The following TMEM272 variants were observed in gnomAD, a reference collection of about 807,000 sequenced individuals.
TMEM272 encodes transmembrane protein 272.
Under a neutral mutation model 3.7 loss-of-function variants are expected in TMEM272, and 8 were observed. That is an observed-to-expected ratio of 2.17 (90% CI 1.27 to 3.91). The LOEUF is 3.91. Ranked by LOEUF, TMEM272 falls within the 30% of genes most tolerant of loss-of-function variation. The pLI is 0.00. For missense variants in TMEM272, 166 were observed against 91.5 expected (o/e 1.81, Z -3.32); for synonymous variants, 63 against 39.8 (o/e 1.58, Z -2.20).
chr13:51,870,165 G>T, the TMEM272 span, among the ~76,000 whole-genome samples: 2 of 152,166 alleles, frequency 1.3e-5, no homozygotes, highest in Non-Finnish European at 2.9e-5. Flanking sequence ...GAGCCGAGGG[G>T]GTCATGAAGG....
At chr13:51,856,326 G>C in the TMEM272 span, among the ~76,000 whole-genome samples, 1 of 152,210 alleles carries the variant, frequency 6.6e-6, no homozygotes. Context: ...TGTGGCCTCA[G>C]GCCACATGAC....
At chr13:51,838,644 C>T in intron 1 of TMEM272, 91 bp from the exon 2 acceptor site, 1 of 695,730 alleles carries the variant, frequency 1.4e-6, no homozygotes. Context: ...CAGTGGTGGC[C>T]TGCAGGGTGG....
At chr13:51,858,170 A>G in the TMEM272 span, among the ~76,000 whole-genome samples, 1 of 152,354 alleles carries the variant, frequency 6.6e-6, no homozygotes, top group Admixed American at 6.5e-5. Context: ...AGTAACTGAC[A>G]GAACAAGCAG....
chr13:51,865,235 G>C, the TMEM272 span: 1 of 617,628 alleles, frequency 1.6e-6, no homozygotes, highest in African/African-American at 1.8e-5. Flanking sequence ...TGGACAAAGA[G>C]CAGTGATTAC....
chr13:51,865,743 G>A, the TMEM272 span: 1 of 1,614,112 alleles, frequency 6.2e-7, no homozygotes, highest in Non-Finnish European at 8.5e-7. Flanking sequence ...AAAACTTTCT[G>A]GAAAAAGTAC....
the TMEM272 span, among the ~76,000 whole-genome samples, chr13:51,918,407 G>A: frequency 3.9e-5 from 6 of 152,276 alleles, no homozygotes; most frequent in African/African-American, 1.4e-4. Flanking sequence ...GGGGTGGAAA[G>A]ACATGGCATC....
intron 2 of TMEM272, among the ~76,000 whole-genome samples, chr13:51,830,779 C>A (rs960943658): frequency 1.3e-5 from 2 of 152,206 alleles, no homozygotes; most frequent in African/African-American, 4.8e-5. Context: ...TACACCTTAA[C>A]TCCCAAGTGG....
At chr13:51,907,721 GT>G in the TMEM272 span, among the ~76,000 whole-genome samples, 3 of 152,186 alleles carry the variant, frequency 2.0e-5, no homozygotes, top group African/African-American at 7.2e-5. Flanking sequence ...TTTCCCTTCT[GT>G]TGGGATCTGT....
intron 1 of TMEM272, among the ~76,000 whole-genome samples, chr13:51,843,644 C>G (rs1331322884): frequency 6.6e-6 from 1 of 152,134 alleles, no homozygotes; most frequent in African/African-American, 2.4e-5. Flanking sequence ...AAATCTGAAA[C>G]AGGAAGAGAT....
At chr13:51,858,844 T>C in the TMEM272 span, among the ~76,000 whole-genome samples, 1 of 151,982 alleles carries the variant, frequency 6.6e-6, no homozygotes, top group Non-Finnish European at 1.5e-5. Context: ...CCAAGCTCCT[T>C]CCCCCCTGCA....
the TMEM272 span, chr13:51,910,741 G>A: frequency 2.7e-6 from 1 of 370,864 alleles, no homozygotes; most frequent in South Asian, 2.2e-5. Context: ...AACCGGAGCG[G>A]ACCACTGCGG....
upstream of TMEM272, among the ~76,000 whole-genome samples, chr13:51,848,607 C>CA (rs546168868): frequency 3.9e-5 from 6 of 152,070 alleles, no homozygotes; most frequent in Non-Finnish European, 5.9e-5. Flanking sequence ...AATTTTGATG[C>CA]AAAAGAGTAG....
intron 1 of TMEM272, among the ~76,000 whole-genome samples, chr13:51,838,756 C>T (rs563565390): frequency 6.6e-6 from 1 of 152,224 alleles, no homozygotes; most frequent in East Asian, 1.9e-4. Context: ...ATGAGAGAAC[C>T]AAGCTCAGAG....
At chr13:51,827,148 C>T (rs1956132755) in intron 2 of TMEM272, among the ~76,000 whole-genome samples, 1 of 152,218 alleles carries the variant, frequency 6.6e-6, no homozygotes, top group African/African-American at 2.4e-5. Flanking sequence ...ATTAGATGGG[C>T]TCCTAAAACT....
chr13:51,895,581 G>C, the TMEM272 span, among the ~76,000 whole-genome samples: 13 of 152,032 alleles, frequency 8.6e-5, no homozygotes, highest in Non-Finnish European at 1.8e-4. Context: ...CTACCTGTGG[G>C]ACAGGGCCTG....
chr13:51,889,813 G>A, the TMEM272 span, among the ~76,000 whole-genome samples: 3 of 152,066 alleles, frequency 2.0e-5, no homozygotes, highest in African/African-American at 7.2e-5. Flanking sequence ...GACTAATTTT[G>A]TATTTTTAGT....
the TMEM272 span, among the ~76,000 whole-genome samples, chr13:51,863,270 A>C: frequency 6.6e-6 from 1 of 152,256 alleles, no homozygotes; most frequent in Non-Finnish European, 1.5e-5. Context: ...GGGCTGCACA[A>C]GGCCTTCCTA....
At chr13:51,928,466 G>C in the TMEM272 span, among the ~76,000 whole-genome samples, 1 of 152,206 alleles carries the variant, frequency 6.6e-6, no homozygotes, top group East Asian at 1.9e-4. Flanking sequence ...TTGTGCAGAT[G>C]AGAAGGCTGA....
chr13:51,852,990 GCTA>G, the TMEM272 span, among the ~76,000 whole-genome samples: 1 of 151,944 alleles, frequency 6.6e-6, no homozygotes, highest in Admixed American at 6.6e-5. Context: ...CAAAAACTTA[GCTA>G]CTAATAGCCT....
Sources: gnomAD v4.1 joint callset for allele counts (sites outside exome capture counted in the v4.1 genomes callset) on GRCh38, gnomAD v4.1.1 for gene constraint, MANE v1.5 for transcripts, NCBI Gene and HGNC (gene_info 2026-07-23, HGNC 2026-07-21) for gene names.